Variants in PDLIM7 observed in about 807,000 individuals in gnomAD.
PDLIM7 encodes the protein PDZ and LIM domain protein 7.
PDLIM7 carries 37 observed loss-of-function variants against 53.9 expected under a neutral mutation model. That is an observed-to-expected ratio of 0.69 (90% CI 0.53 to 0.90). PDLIM7 has a LOEUF of 0.90. Among genes scored for constraint, PDLIM7 ranks in the 40% least tolerant of loss-of-function variants. The probability of loss-of-function intolerance (pLI) is 0.00; values close to 1 mark genes in which losing one functional copy is unlikely to be tolerated. For synonymous variants in PDLIM7, 300 were observed against 261.3 expected, an observed-to-expected ratio of 1.15 and a Z score of -1.43; for missense variants, 617 against 638.5, an observed-to-expected ratio of 0.97 and a Z score of 0.36.
chr5:177,488,708 T>C (rs1758583946), intron 9 of PDLIM7, among the ~76,000 whole-genome samples: 1 of 152,084 alleles, frequency 6.6e-6, no homozygotes, highest in Non-Finnish European at 1.5e-5. Context: ...CTGGCCAACA[T>C]GGTAAAACCC....
chr5:177,496,288 C>A lies in PDLIM7; in HGVS notation c.96+129G>T. On this transcript the variant is annotated intron_variant, in intron 2 of 12. Coordinates refer to ENST00000355841, the MANE Select transcript of PDLIM7 (RefSeq NM_005451.5). ...TTGTGGCAGGCAGGTACCACTACAT[C>A]TCCGGACCTAGACATCTCCTGGCCT... is the stretch of plus-strand genomic sequence containing the variant. 4 of 628,742 alleles carry A rather than the reference C, an allele frequency of 6.4e-6. No individual in the cohort carries two copies. In the South Asian group the frequency reaches 7.0e-5, roughly 11 times the overall value. The allele number at this position is 628,742 out of a possible 1,614,324, so 38.9% of individuals were successfully genotyped here.
intron 5 of PDLIM7, chr5:177,491,412 G>A: frequency 1.3e-6 from 2 of 1,551,532 alleles, no homozygotes; most frequent in Non-Finnish European, 1.7e-6. Flanking sequence ...ACTTGTCAGG[G>A]GTCTGCACCT....
At chr5:177,491,952 C>A in intron 4 of PDLIM7, 27 bp from the exon 5 acceptor site, 1 of 99,472 alleles carries the variant, frequency 1.0e-5, no homozygotes, top group East Asian at 2.8e-4. Context: ...CCGGGCAGGG[C>A]GGGCGGGCAG....
intron 2 of PDLIM7, among the ~76,000 whole-genome samples, chr5:177,494,038 A>G (rs1378734721): frequency 6.6e-6 from 1 of 152,222 alleles, no homozygotes; most frequent in Non-Finnish European, 1.5e-5. Flanking sequence ...TCAGAAGGCT[A>G]AGAGAGCTCG....
chr5:177,491,092 G>A lies in PDLIM7; in HGVS notation c.453C>T (p.Asn151=). 6.2e-7 allele frequency: 1 copy of A among 1,612,150 alleles called. No individual in the cohort carries two copies. The stretch of plus-strand genomic sequence containing the variant: ...CCGGCCGCGGCCGCCAGTCCTCTGT[G>A]TTCTCCATCAGCCGCTGCTTGCTGG... ...PDASKQRLME[N]TEDWRPRPGT... is the part of the protein sequence containing the mutation. The change falls in exon 6 of 13, where the codon AAC becomes AAT. Residue 151 remains asparagine (N), a synonymous_variant. Coordinates refer to ENST00000355841, the MANE Select transcript of PDLIM7 (RefSeq NM_005451.5).
chr5:177,488,353 G>C, intron 9 of PDLIM7, 105 bp from the exon 10 acceptor site: 3 of 878,366 alleles, frequency 3.4e-6, no homozygotes, highest in Non-Finnish European at 5.1e-6. Flanking sequence ...GGGAGGGACA[G>C]TTCATTCTCC....
intron 10 of PDLIM7, 145 bp from the exon 11 acceptor site, chr5:177,484,335 T>A: frequency 2.1e-6 from 2 of 945,130 alleles, no homozygotes; most frequent in African/African-American, 1.6e-5. Flanking sequence ...CACACCTCCA[T>A]CTCCAACTCC....
chr5:177,483,554 A>C lies in PDLIM7; in HGVS notation c.*90T>G. Reference sequence around the variant, plus strand: ...TCGGGCCAGGAGCCAGGGTTAAGGCAACCATTGCCAGCCCTACCCAGAAAT... The same window carrying C: ...TCGGGCCAGGAGCCAGGGTTAAGGCCACCATTGCCAGCCCTACCCAGAAAT... On this transcript the variant is annotated 3_prime_UTR_variant, in exon 13 of 13. Coordinates refer to ENST00000355841, the MANE Select transcript of PDLIM7 (RefSeq NM_005451.5). 1 of 987,142 alleles carries C rather than the reference A, an allele frequency of 1.0e-6. No individual in the cohort carries two copies. The highest frequency in any genetic ancestry group is 1.5e-6 in the Non-Finnish European group (1 of 654,672). 61.1% of individuals were successfully genotyped at this position (987,142 alleles called of 1,614,324 possible).
Position 177,489,763 on chromosome 5 carries a change from C to A in PDLIM7, c.634+8G>T. On this transcript the variant is annotated splice_region_variant and intron_variant, in intron 8 of 12. Coordinates refer to ENST00000355841, the MANE Select transcript of PDLIM7 (RefSeq NM_005451.5). The stretch of plus-strand genomic sequence containing the variant: ...CCCTTGCCCAGGCCCGAGCCCACTC[C>A]CTCTCACCAGGCCAGGGCTCCTGGG... The A allele has an allele frequency of 6.5e-7, 1 of 1,543,054 alleles. No individual in the cohort carries two copies. The highest frequency in any genetic ancestry group is 1.9e-5 in the Admixed American group (1 of 52,292).
chr5:177,492,138 C>G (rs1415557297), intron 4 of PDLIM7: 1 of 597,560 alleles, frequency 1.7e-6, no homozygotes, highest in African/African-American at 1.9e-5. Context: ...GGACCGAGGG[C>G]TGACCGAGTG....
chr5:177,494,383 T>C (rs1298789646), intron 2 of PDLIM7, among the ~76,000 whole-genome samples: 1 of 152,162 alleles, frequency 6.6e-6, no homozygotes, highest in African/African-American at 2.4e-5. Context: ...ATCAACCCCT[T>C]ATACTGTGTA....
rs566966160 is a variant in PDLIM7 at position 177,489,433 on chromosome 5, C to T, written c.829G>A (p.Gly277Ser). The change falls in exon 9 of 13, where the codon GGC (glycine) becomes AGC (serine). Residue 277 changes from glycine (G) to serine (S), a missense_variant. Transcript: ENST00000355841. ...CACTGGTGACACACGGGAGTCTTGC[C>T]GTTGTTGCTGCCCCCTCCTGGCACC... ...GGVPGGGSNN[G>S]KTPVCHQCHK... 278 of 1,601,166 alleles carry T rather than the reference C, an allele frequency of 1.7e-4. No individual in the cohort carries two copies. The highest frequency in any genetic ancestry group is 2.8e-4 in the South Asian group (25 of 88,894).
At chr5:177,492,461 CG>C in intron 3 of PDLIM7, 26 bp from the exon 4 acceptor site, 1 of 1,613,506 alleles carries the variant, frequency 6.2e-7, no homozygotes, top group South Asian at 1.1e-5. Flanking sequence ...AGCGTGACAG[CG>C]GGCCGGGCCC....
chr5:177,496,807 G>A (rs1759096624), intron 1 of PDLIM7: 1 of 233,994 alleles, frequency 4.3e-6, no homozygotes, highest in Non-Finnish European at 8.3e-6. Flanking sequence ...GGTGGGCCGA[G>A]GGACTAAACT....
At chr5:177,492,996 T>A in intron 2 of PDLIM7, 1 of 358,760 alleles carries the variant, frequency 2.8e-6, no homozygotes, top group East Asian at 5.2e-5. Flanking sequence ...GTCCAGAAAT[T>A]GCTATGATGT....
rs1261160079 is a variant in PDLIM7, at chr5:177,484,229, C to G, written c.1051-39G>C. 7 of 1,606,802 alleles carry G rather than the reference C, an allele frequency of 4.4e-6. No individual in the cohort carries two copies. In the Admixed American group the frequency reaches 8.4e-5, roughly 19 times the overall value. ...CCAGTCACTCGGCAGGCTCAGGCCC[C>G]TCCTGCCCTGCCCTGGGTCACGGGA... On this transcript the variant is annotated intron_variant, in intron 10 of 12. Coordinates refer to ENST00000355841, the MANE Select transcript of PDLIM7 (RefSeq NM_005451.5).
At chr5:177,487,996 G>A in intron 10 of PDLIM7, 72 bp downstream of exon 10, 1 of 1,466,658 alleles carries the variant, frequency 6.8e-7, no homozygotes, top group Non-Finnish European at 9.2e-7. Flanking sequence ...GACCTGGACT[G>A]TGGGTTTCCC....
intron 10 of PDLIM7, chr5:177,484,404 C>T: frequency 1.8e-6 from 1 of 567,170 alleles, no homozygotes. Flanking sequence ...GCACTCAGTT[C>T]CTGATTCCCT....
intron 9 of PDLIM7, among the ~76,000 whole-genome samples, chr5:177,488,854 C>T (rs1282259011): frequency 6.6e-6 from 1 of 150,968 alleles, no homozygotes; most frequent in Non-Finnish European, 1.5e-5. Flanking sequence ...CGCGCCACTG[C>T]ACGCCAACGT....
Sources: gnomAD v4.1 joint callset for allele counts (sites outside exome capture counted in the v4.1 genomes callset) on GRCh38, gnomAD v4.1.1 for gene constraint, MANE v1.5 for transcripts, NCBI Gene and HGNC (gene_info 2026-07-23, HGNC 2026-07-21) for gene names.